HACD3: variants seen among roughly 807,000 people sequenced by gnomAD.
HACD3 encodes the protein 3-hydroxyacyl-CoA dehydratase 3.
Under a neutral mutation model 55.2 loss-of-function variants are expected in HACD3, and 30 were observed. The ratio of observed to expected loss-of-function variants is 0.54; its 90% CI spans 0.41 to 0.74. The LOEUF (loss-of-function observed/expected upper bound fraction) is 0.74, where lower values mean the gene tolerates loss of function less well. Among genes scored for constraint, HACD3 ranks in the 30% least tolerant of loss-of-function variants. The pLI, the probability that HACD3 is intolerant of heterozygous loss-of-function variation, is 0.00. For synonymous variants in HACD3, 141 were observed against 151.7 expected (o/e 0.93, Z 0.52); for missense variants, 363 against 440.1 (o/e 0.82, Z 1.57).
intron 1 of HACD3, among the ~76,000 whole-genome samples, chr15:65,546,653 C>G (rs1160659061): frequency 6.6e-6 from 1 of 152,064 alleles, no homozygotes; most frequent in African/African-American, 2.4e-5. Context: ...GGAGTCCAGG[C>G]TGGTCCCAAA....
intron 1 of HACD3, among the ~76,000 whole-genome samples, chr15:65,534,988 A>G (rs1220543690): frequency 1.3e-5 from 2 of 152,352 alleles, no homozygotes; most frequent in East Asian, 3.9e-4. Context: ...AAGGTATGAC[A>G]AGAGGCGCTC....
At chr15:65,552,917 C>T (rs1446039526) in intron 2 of HACD3, among the ~76,000 whole-genome samples, 2 of 150,900 alleles carry the variant, frequency 1.3e-5, no homozygotes, top group African/African-American at 4.9e-5. Flanking sequence ...TGTTCAATTC[C>T]CACCTATGAG....
chr15:65,556,875 C>T lies in HACD3; in HGVS notation c.341C>T (p.Ser114Phe), dbSNP rs2072197125. The part of the protein sequence containing the change: ...APDFDRWLDE[S>F]DAEMELRAKE... Reference sequence around the variant, plus strand: ...GACTTTGATCGTTGGCTGGATGAATCTGATGCGGAAATGGAGCTCAGAGCT... The same window carrying T: ...GACTTTGATCGTTGGCTGGATGAATTTGATGCGGAAATGGAGCTCAGAGCT... Residue 114 changes from serine to phenylalanine, a missense_variant, in exon 4 of 11, where the codon TCT becomes TTT. By Grantham distance (155) the Ser-to-Phe change is radical. Transcript: ENST00000261875. The T allele has an allele frequency of 6.2e-7, 1 of 1,612,890 alleles. No homozygotes were observed. The highest frequency in any genetic ancestry group is 8.5e-7 in the Non-Finnish European group (1 of 1,179,396).
chr15:65,569,226 C>T (rs1169173112), intron 7 of HACD3, among the ~76,000 whole-genome samples: 16 of 135,636 alleles, frequency 1.2e-4, no homozygotes, highest in African/African-American at 3.8e-4. Flanking sequence ...CCAGCCTGGA[C>T]GACAGAGCGA....
At chr15:65,537,934 GAAAAAAAA>G (rs1167167112) in intron 1 of HACD3, among the ~76,000 whole-genome samples, 969 of 23,472 alleles carry the variant, frequency 0.041, 8 homozygotes, top group Middle Eastern at 0.094. Context: ...CAACTTCTCA[GAAAAAAAA>G]AAAAAAAAAA....
intron 2 of HACD3, 36 bp downstream of exon 2, chr15:65,551,754 C>T (rs2072135683): frequency 4.4e-6 from 7 of 1,609,180 alleles, no homozygotes; most frequent in Non-Finnish European, 6.0e-6. Flanking sequence ...TCTCTATACA[C>T]AGTTAAGGAG....
At chr15:65,551,584 T>C in intron 1 of HACD3, 92 bp from the exon 2 acceptor site, 1 of 1,422,322 alleles carries the variant, frequency 7.0e-7, no homozygotes, top group East Asian at 2.3e-5. Flanking sequence ...TGAGTCCTTA[T>C]GGGAGAGGGA....
In HACD3 at chr15:65,564,192, TTAATG is replaced by T. The variant is rs1325542490; in HGVS notation, c.533-20_533-16del. 6.2e-7 allele frequency: 1 copy of T among 1,609,454 alleles called. No individual in the cohort carries two copies. Among genetic ancestry groups the T allele is most frequent in the Non-Finnish European group, 8.5e-7 (1 of 1,176,522 alleles). On this transcript the variant is annotated intron_variant, in intron 6 of 10. Coordinates refer to ENST00000261875, the MANE Select transcript of HACD3 (RefSeq NM_016395.4). Reference sequence around the variant, plus strand: ...TTGGAATTTACCAACTGATTCACCCTTAATGTATATTTTTGCCTATAGAGTCCTTT... The same window carrying T: ...TTGGAATTTACCAACTGATTCACCCTTATATTTTTGCCTATAGAGTCCTTT...
At chr15:65,567,121 G>A (rs1242881485) in intron 7 of HACD3, among the ~76,000 whole-genome samples, 2 of 151,812 alleles carry the variant, frequency 1.3e-5, no homozygotes, top group Non-Finnish European at 2.9e-5. Context: ...CCAGCAGTTG[G>A]AGACCACCCT....
chr15:65,544,215 A>G lies in HACD3; in HGVS notation c.88-7461A>G, dbSNP rs2072050718. ...AAATAAAAAGAAAATCCGTGAGCCC[A>G]TAGTGAAAGTAAAAAAGAAATATAG... On this transcript the variant is annotated intron_variant, in intron 1 of 10. Transcript: ENST00000261875. Among the ~76,000 whole-genome samples the G allele has an allele frequency of 2.0e-5, 3 of 152,140 alleles. 1 individual carries two copies. The highest frequency in any genetic ancestry group is 4.1e-4 in the South Asian group (2 of 4,820).
intron 8 of HACD3, 60 bp from the exon 9 acceptor site, chr15:65,571,488 C>T: frequency 8.5e-7 from 1 of 1,180,696 alleles, no homozygotes; most frequent in Non-Finnish European, 1.2e-6. Context: ...AAATGATATT[C>T]TAAGGTTGCA....
chr15:65,539,361 C>T (rs1416955785), intron 1 of HACD3, among the ~76,000 whole-genome samples: 3 of 151,940 alleles, frequency 2.0e-5, no homozygotes, highest in East Asian at 1.9e-4. Context: ...GCTGGGACTA[C>T]GGGCGCCCGC....
Position 65,567,497 on chromosome 15 carries a change from C to A in HACD3, c.661-2594C>A, listed in dbSNP as rs1021992895. On this transcript the variant is annotated intron_variant, in intron 7 of 10. Transcript: ENST00000261875. ...TCAATATTATAATATTGTTAGTTCT[C>A]ATATTTCCCTGTAGATTCAATACAT... Among the ~76,000 whole-genome samples, 4 of 152,188 alleles carry A rather than the reference C, an allele frequency of 2.6e-5. No homozygotes were observed. The South Asian group carries it at 8.3e-4, about 32-fold the overall frequency.
chr15:65,550,855 G>T (rs1323662848), intron 1 of HACD3: 1 of 152,232 alleles, frequency 6.6e-6, no homozygotes, highest in Non-Finnish European at 1.5e-5. Flanking sequence ...TGTTAACCTT[G>T]AGCTGGAAGT....
intron 10 of HACD3, among the ~76,000 whole-genome samples, chr15:65,573,960 G>T (rs1286017537): frequency 1.3e-5 from 2 of 152,132 alleles, no homozygotes; most frequent in African/African-American, 4.8e-5. Context: ...ATACATTTTA[G>T]TGGTAATTTA....
chr15:65,545,604 C>T (rs932866909), intron 1 of HACD3, among the ~76,000 whole-genome samples: 9 of 126,286 alleles, frequency 7.1e-5, no homozygotes, highest in East Asian at 2.4e-4. Flanking sequence ...CCACCAGGCC[C>T]GGCTAATTTT....
Position 65,576,408 on chromosome 15 carries a change from G to A in HACD3, c.*29G>A, listed in dbSNP as rs780185946. On this transcript the variant is annotated 3_prime_UTR_variant, in exon 11 of 11. Coordinates refer to ENST00000261875, the MANE Select transcript of HACD3 (RefSeq NM_016395.4). The stretch of plus-strand genomic sequence containing the variant: ...GAAAGATTTAGATGGCTTCTTGCCA[G>A]TTTGAGCCTAATCTGATTCTTACAG... 6.4e-6 allele frequency: 10 copies of A among 1,563,378 alleles called. No homozygotes were observed. Among genetic ancestry groups the A allele is most frequent in the Admixed American group, 4.0e-5 (2 of 49,992 alleles).
At chr15:65,541,854 A>G (rs1170951736) in intron 1 of HACD3, among the ~76,000 whole-genome samples, 1 of 152,146 alleles carries the variant, frequency 6.6e-6, no homozygotes, top group Non-Finnish European at 1.5e-5. Context: ...GCTGATAAGG[A>G]TTTATTTAGG....
At chr15:65,545,821 C>T (rs1050427703) in intron 1 of HACD3, among the ~76,000 whole-genome samples, 7 of 152,104 alleles carry the variant, frequency 4.6e-5, no homozygotes, top group Admixed American at 2.0e-4. Context: ...CATCAAAATT[C>T]GCAATTTATT....
Sources: allele counts gnomAD v4.1 joint callset (sites outside exome capture counted in the v4.1 genomes callset), GRCh38; gene constraint gnomAD v4.1.1; transcripts MANE v1.5; gene names NCBI Gene and HGNC (gene_info 2026-07-23, HGNC 2026-07-21).